METTL2B: variants seen among roughly 807,000 people sequenced by gnomAD.
METTL2B encodes tRNA N(3)-cytidine methyltransferase METTL2B.
METTL2B carries 28 observed loss-of-function variants against 51.0 expected under a neutral mutation model. The observed-to-expected ratio is 0.55, with a 90% confidence interval of 0.41 to 0.75. The LOEUF is 0.75. Ranked by LOEUF, METTL2B falls within the 30% of genes least tolerant of loss-of-function variation. METTL2B has a pLI of 0.00. For missense variants in METTL2B, 313 were observed against 460.7 expected, an observed-to-expected ratio of 0.68 and a Z score of 2.93; for synonymous variants, 128 against 166.3, an observed-to-expected ratio of 0.77 and a Z score of 1.77.
rs1792752977 is a variant in METTL2B, at chr7:128,488,146, T to C, written c.654T>C (p.Ala218=). ...FVYCCDFSST[A]IELVQTNSEY... is the part of the protein sequence containing the mutation. ...ATTGCTGTGATTTTTCTTCCACAGC[T>C]ATAGAACTGGTCCAGGTGAGTACGA... The change falls in exon 5 of 9, where the codon GCT becomes GCC. Residue 218 remains alanine, a synonymous_variant. Transcript: ENST00000262432. The C allele has an allele frequency of 6.2e-7, 1 of 1,613,162 alleles. No individual in the cohort carries two copies. Among genetic ancestry groups the C allele is most frequent in the African/African-American group, 1.3e-5 (1 of 74,772 alleles).
intron 7 of METTL2B, 35 bp downstream of exon 7, chr7:128,498,177 A>T: frequency 1.2e-6 from 2 of 1,606,066 alleles, no homozygotes; most frequent in African/African-American, 2.7e-5. Context: ...ACCACTAGAG[A>T]TCATGTCCTT....
intron 4 of METTL2B, among the ~76,000 whole-genome samples, chr7:128,484,663 G>A (rs1792667890): frequency 6.6e-6 from 1 of 151,972 alleles, no homozygotes; most frequent in African/African-American, 2.4e-5. Flanking sequence ...CACGATCTTG[G>A]CTCACTGCAA....
chr7:128,494,958 C>T (rs574982478), intron 6 of METTL2B, among the ~76,000 whole-genome samples: 12 of 150,490 alleles, frequency 8.0e-5, no homozygotes, highest in Admixed American at 4.7e-4. Context: ...TCTGTTGCCC[C>T]GGCTGGGGTG....
chr7:128,477,194 G>T (rs1319759212), intron 2 of METTL2B, 21 bp downstream of exon 2: 1 of 1,613,784 alleles, frequency 6.2e-7, no homozygotes, highest in Admixed American at 1.7e-5. Context: ...ATGGGCTCTC[G>T]TTGGTATCAA....
At chr7:128,477,053 C>T (rs770453760) in intron 1 of METTL2B, 29 bp from the exon 2 acceptor site, 50 of 1,613,974 alleles carry the variant, frequency 3.1e-5, no homozygotes, top group Non-Finnish European at 3.8e-5. Context: ...GGACGTGAAG[C>T]CCCTAAGCTG....
Position 128,502,460 on chromosome 7 carries a change from G to A in METTL2B, c.*544G>A, listed in dbSNP as rs1389590015. 8 of 380,406 alleles carry A rather than the reference G, an allele frequency of 2.1e-5. No individual in the cohort carries two copies. The highest frequency in any genetic ancestry group is 1.7e-4 in the African/African-American group (8 of 46,136). The allele number at this position is 380,406 out of a possible 1,614,324, so 23.6% of individuals were successfully genotyped here. A position where few individuals can be genotyped will look rare whatever the true frequency, so the allele number is the denominator to read the frequency against. On this transcript the variant is annotated 3_prime_UTR_variant, in exon 9 of 9. Coordinates refer to ENST00000262432, the MANE Select transcript of METTL2B (RefSeq NM_018396.3). ...TAGGCAATTGCAGTTAATACATACAGGGGTTAGTGAAGGGCTTATTAAGTT... is the reference window on the plus strand; with the variant it reads ...TAGGCAATTGCAGTTAATACATACAAGGGTTAGTGAAGGGCTTATTAAGTT...
At chr7:128,478,302 G>A (rs1799828433) in intron 2 of METTL2B, among the ~76,000 whole-genome samples, 1 of 150,356 alleles carries the variant, frequency 6.7e-6, no homozygotes, top group Non-Finnish European at 1.5e-5. Flanking sequence ...CCAGGCTGGA[G>A]TGCAGTGGCG....
chr7:128,478,537 C>T (rs1199286913), intron 2 of METTL2B, among the ~76,000 whole-genome samples: 1 of 151,522 alleles, frequency 6.6e-6, no homozygotes, highest in African/African-American at 2.4e-5. Context: ...GCATGCGCCA[C>T]TGCACCTGGC....
At position 128,479,481 on chromosome 7, in the gene METTL2B, C is replaced by T. The variant is rs937655357; in HGVS notation, c.526C>T (p.Pro176Ser). ...SDLEICADEF[P>S]GSSATYRILE... ...CCTGGAAATTTGTGCTGATGAGTTT[C>T]CTGGATCCTCAGCCACCTACCGAAT... The change falls in exon 3 of 9, where the codon CCT (proline) becomes TCT (serine). Residue 176 changes from proline to serine, a missense_variant. By Grantham distance (74) the Pro-to-Ser change is moderately conservative (BLOSUM62 -1). This residue lies in a region of METTL2B where 42 missense variants were observed against 113.4 expected (regional missense o/e 0.37). Coordinates refer to ENST00000262432, the MANE Select transcript of METTL2B (RefSeq NM_018396.3). 3 of 1,613,882 alleles carry T rather than the reference C, an allele frequency of 1.9e-6. No individual in the cohort carries two copies. Among genetic ancestry groups the T allele is most frequent in the Non-Finnish European group, 2.5e-6 (3 of 1,179,856 alleles).
At chr7:128,478,963 G>A (rs1411858806) in intron 2 of METTL2B, among the ~76,000 whole-genome samples, 195 bp from the exon 3 acceptor site, 4 of 152,224 alleles carry the variant, frequency 2.6e-5, no homozygotes, top group Admixed American at 1.3e-4. Flanking sequence ...CTATAATGAC[G>A]GATGGGGCAT....
chr7:128,482,519 T>C (rs1799884942), intron 4 of METTL2B, among the ~76,000 whole-genome samples: 1 of 152,036 alleles, frequency 6.6e-6, no homozygotes, highest in Admixed American at 6.6e-5. Context: ...ACACCAAATA[T>C]ATTTATTATA....
At position 128,502,501 on chromosome 7, in the gene METTL2B, T is replaced by G; in HGVS notation, c.*585T>G. 2.4e-6 allele frequency: 1 copy of G among 424,678 alleles called. No homozygotes were observed. 26.3% of individuals were successfully genotyped at this position (424,678 alleles called of 1,614,324 possible). ...TTATTAAGTTGTAGGGGAAGCAAGC[T>G]GGGAAGAATCAGATCAGATATTTTC... On this transcript the variant is annotated 3_prime_UTR_variant, in exon 9 of 9. Transcript: ENST00000262432.
chr7:128,501,968 T>TA lies in METTL2B; in HGVS notation c.*61dup. On this transcript the variant is annotated 3_prime_UTR_variant, in exon 9 of 9. Coordinates refer to ENST00000262432, the MANE Select transcript of METTL2B (RefSeq NM_018396.3). The stretch of plus-strand genomic sequence containing the variant: ...AGCCCGTTGTGTTTCCGAGCTTTTT[T>TA]AAAAAAAAATTTGTAGCACCGGGCA... The TA allele has an allele frequency of 3.1e-6, 5 of 1,598,922 alleles. No individual in the cohort carries two copies. The highest frequency in any genetic ancestry group is 1.7e-5 in the Admixed American group (1 of 57,900).
chr7:128,503,541 CG>C lies in METTL2B; in HGVS notation c.*1626del, dbSNP rs1016834146. ...ACCTCGAACTTCTGGCTTGAGCCAT[CG>C]CTCCACCTCAGCCTCCTGAGTAGCT... On this transcript the variant is annotated 3_prime_UTR_variant, in exon 9 of 9. Transcript: ENST00000262432. 6.6e-6 allele frequency: 1 copy of C among 151,692 alleles called. No homozygotes were observed. The highest frequency in any genetic ancestry group is 2.4e-5 in the African/African-American group (1 of 41,256). The allele number at this position is 151,692 out of a possible 1,614,324, so 9.4% of individuals were successfully genotyped here.
chr7:128,484,365 C>T (rs988995944), intron 4 of METTL2B, among the ~76,000 whole-genome samples: 16 of 151,316 alleles, frequency 1.1e-4, no homozygotes, highest in African/African-American at 3.6e-4. Context: ...GCTGGGACAA[C>T]AGGCGTGTGC....
chr7:128,501,449 A>C (rs1793028527), intron 8 of METTL2B: 1 of 985,316 alleles, frequency 1.0e-6, no homozygotes, highest in Non-Finnish European at 1.2e-6. Flanking sequence ...TAAGATGATG[A>C]AACCTCTTTC....
At chr7:128,488,314 T>C (rs767767728) in intron 5 of METTL2B, 153 bp downstream of exon 5, 16 of 931,962 alleles carry the variant, frequency 1.7e-5, no homozygotes, top group Non-Finnish European at 2.6e-5. Flanking sequence ...ATACCTTGTT[T>C]TATTGCAGTT....
intron 5 of METTL2B, among the ~76,000 whole-genome samples, chr7:128,489,160 T>C (rs1584793137): frequency 6.6e-6 from 1 of 151,806 alleles, no homozygotes; most frequent in East Asian, 1.9e-4. Context: ...TTGGCCACAA[T>C]GGCTTAACGC....
rs1554428848 is a variant in METTL2B, at chr7:128,484,232, T to TTTTTTTGTTTTG, written c.608+3542_608+3543insGTTTTGTTTTTT. 5.4e-4 allele frequency: 45 copies of TTTTTTTGTTTTG among 83,572 alleles called. 1 individual carries two copies. Among genetic ancestry groups the TTTTTTTGTTTTG allele is most frequent in the African/African-American group, 2.0e-3 (41 of 20,104 alleles). 5.2% of individuals were successfully genotyped at this position (83,572 alleles called of 1,614,324 possible). ...TGCCTAGATCCTTTTTTTTTTTTTT[T>TTTTTTTGTTTTG]TTTTTTTTTTTTTGAGACAGGATTT... On this transcript the variant is annotated intron_variant, in intron 4 of 8. Coordinates refer to ENST00000262432, the MANE Select transcript of METTL2B (RefSeq NM_018396.3).
Sources: allele counts gnomAD v4.1 joint callset (sites outside exome capture counted in the v4.1 genomes callset), GRCh38; gene constraint gnomAD v4.1.1; regional missense constraint gnomAD v4.1.1; transcripts MANE v1.5; gene names NCBI Gene and HGNC (gene_info 2026-07-23, HGNC 2026-07-21).